EXD2: variants seen among roughly 807,000 people sequenced by gnomAD.
EXD2 encodes exonuclease 3'-5' domain-containing protein 2.
A neutral mutation model predicts 62.5 loss-of-function variants in EXD2; 40 were observed. That is an observed-to-expected ratio of 0.64 (90% CI 0.50 to 0.83). The LOEUF (loss-of-function observed/expected upper bound fraction) is 0.83. Among genes scored for constraint, EXD2 ranks in the 40% least tolerant of loss-of-function variants. The pLI, the probability that EXD2 is intolerant of heterozygous loss-of-function variation, is 0.00. For synonymous variants in EXD2, 239 were observed against 291.9 expected, an observed-to-expected ratio of 0.82 and a Z score of 1.85; for missense variants, 671 against 761.8, an observed-to-expected ratio of 0.88 and a Z score of 1.40.
In EXD2 at chr14:69,229,090, G is replaced by A. The variant is rs751962384; in HGVS notation, c.590+18G>A. ...CGGCAGAGGTGTGGTTTGTATGAAT[G>A]CTGGGATTCCTATAGCTGCGGGACA... On this transcript the variant is annotated intron_variant, in intron 4 of 9. Coordinates refer to ENST00000685843, the MANE Select transcript of EXD2 (RefSeq NM_001193360.2). 6 of 1,611,608 alleles carry A rather than the reference G, an allele frequency of 3.7e-6. No homozygotes were observed. The South Asian group carries it at 5.5e-5, about 15-fold the overall frequency.
chr14:69,231,497 A>G (rs2043578392), intron 5 of EXD2, among the ~76,000 whole-genome samples: 1 of 152,184 alleles, frequency 6.6e-6, no homozygotes, highest in Non-Finnish European at 1.5e-5. Flanking sequence ...TATATTATTT[A>G]TAGCTGAGTC....
At chr14:69,212,520 T>C (rs371295414) in intron 3 of EXD2, among the ~76,000 whole-genome samples, 1 of 148,584 alleles carries the variant, frequency 6.7e-6, no homozygotes, top group African/African-American at 2.5e-5. Context: ...TCTTTATTGT[T>C]TTTTTTTTTT....
At chr14:69,200,137 CTGT>C (rs2042344581) in intron 1 of EXD2, among the ~76,000 whole-genome samples, 1 of 152,150 alleles carries the variant, frequency 6.6e-6, no homozygotes, top group Admixed American at 6.5e-5. Context: ...TATGTGTCAT[CTGT>C]TGTTGACCGA....
chr14:69,236,387 C>T lies in EXD2; in HGVS notation c.1157-20C>T. The T allele has an allele frequency of 6.2e-7, 1 of 1,614,038 alleles. No homozygotes were observed. The highest frequency in any genetic ancestry group is 8.5e-7 in the Non-Finnish European group (1 of 1,180,000). On this transcript the variant is annotated intron_variant, in intron 7 of 9. Transcript: ENST00000685843. ...TGGGGGCAGGGGGAGCAGTCAAACA[C>T]TGATGTCTCTTCTCTTAAGAGCTGG...
At chr14:69,193,221 G>T (rs2042094032) in intron 1 of EXD2, among the ~76,000 whole-genome samples, 1 of 152,004 alleles carries the variant, frequency 6.6e-6, no homozygotes. Flanking sequence ...ACCACGCCTG[G>T]CTAATTTTTG....
intron 3 of EXD2, among the ~76,000 whole-genome samples, chr14:69,218,033 C>G (rs1036071470): frequency 6.6e-6 from 1 of 152,162 alleles, no homozygotes; most frequent in Non-Finnish European, 1.5e-5. Flanking sequence ...GATTTATAAT[C>G]CTTTGGGTAT....
intron 2 of EXD2, among the ~76,000 whole-genome samples, chr14:69,205,824 G>A (rs1478783360): frequency 1.3e-5 from 2 of 152,046 alleles, no homozygotes; most frequent in Non-Finnish European, 2.9e-5. Flanking sequence ...TTGGCTTAGG[G>A]TTCCCTTTTA....
intron 1 of EXD2, chr14:69,191,960 C>G (rs1264244890): frequency 6.6e-6 from 1 of 152,248 alleles, no homozygotes; most frequent in Non-Finnish European, 1.5e-5. Flanking sequence ...AAAAGGAGGC[C>G]CCGCCCGCGG....
Position 69,225,837 on chromosome 14 carries a change from A to G in EXD2, c.334-2979A>G, listed in dbSNP as rs146282677. Reference sequence around the variant, plus strand: ...TCCTAGAAACATTATTCTTCCAATTATATATTCAATATAAGTTATGTACCT... The same window carrying G: ...TCCTAGAAACATTATTCTTCCAATTGTATATTCAATATAAGTTATGTACCT... On this transcript the variant is annotated intron_variant, in intron 3 of 9. Transcript: ENST00000685843. Among the ~76,000 whole-genome samples the G allele has an allele frequency of 1.4e-3, 215 of 152,314 alleles. 1 individual carries two copies. The highest frequency in any genetic ancestry group is 5.1e-3 in the African/African-American group (210 of 41,578).
intron 3 of EXD2, among the ~76,000 whole-genome samples, chr14:69,220,251 C>CTCTTTTTT (rs2043123001): frequency 3.3e-5 from 2 of 60,604 alleles, no homozygotes; most frequent in African/African-American, 1.4e-4. Flanking sequence ...TTTTGTCTCT[C>CTCTTTTTT]TGTTTTTTTT....
chr14:69,210,956 G>C (rs1358478678), intron 3 of EXD2, among the ~76,000 whole-genome samples: 2 of 152,282 alleles, frequency 1.3e-5, no homozygotes, highest in African/African-American at 4.8e-5. Context: ...TCTTTTTGCT[G>C]GTGGAGGGTC....
chr14:69,214,644 G>A (rs1051581455), intron 3 of EXD2, among the ~76,000 whole-genome samples: 1 of 152,166 alleles, frequency 6.6e-6, no homozygotes, highest in Admixed American at 6.5e-5. Context: ...GACTCCAGGA[G>A]CTCCTGTTGT....
intron 1 of EXD2, among the ~76,000 whole-genome samples, chr14:69,193,933 A>G (rs1456787793): frequency 1.3e-5 from 2 of 152,190 alleles, no homozygotes; most frequent in African/African-American, 2.4e-5. Context: ...GCTTCCCACA[A>G]CAAAGAATTT....
chr14:69,224,953 T>TG (rs1414041727), intron 3 of EXD2, among the ~76,000 whole-genome samples: 1 of 152,112 alleles, frequency 6.6e-6, no homozygotes, highest in Admixed American at 6.5e-5. Context: ...CACTCCAGCC[T>TG]GGCAACAGAG....
chr14:69,211,810 C>A (rs2042814232), intron 3 of EXD2, among the ~76,000 whole-genome samples: 1 of 152,124 alleles, frequency 6.6e-6, no homozygotes, highest in Admixed American at 6.5e-5. Flanking sequence ...ATAACTTGAG[C>A]AACAGCAGGG....
chr14:69,195,853 C>G (rs781309805), intron 1 of EXD2, among the ~76,000 whole-genome samples: 4 of 152,154 alleles, frequency 2.6e-5, no homozygotes, highest in African/African-American at 9.7e-5. Context: ...GTACTTCATT[C>G]TTTTTATTAC....
rs186526221 is a variant in EXD2 at position 69,229,124 on chromosome 14, A to G, written c.590+52A>G. 4 of 1,601,294 alleles carry G rather than the reference A, an allele frequency of 2.5e-6. No individual in the cohort carries two copies. In the East Asian group the frequency reaches 6.7e-5, roughly 27 times the overall value. ...CCTATAGCTGCGGGACAAATATTTT[A>G]GCCAGATTTGTAGATGCCTGGGACT... On this transcript the variant is annotated intron_variant, in intron 4 of 9. Coordinates refer to ENST00000685843, the MANE Select transcript of EXD2 (RefSeq NM_001193360.2).
chr14:69,236,314 G>A lies in EXD2; in HGVS notation c.1157-93G>A, dbSNP rs372733061. 3.7e-5 allele frequency: 59 copies of A among 1,596,728 alleles called. 1 individual carries two copies. In the South Asian group the frequency reaches 5.9e-4, roughly 16 times the overall value. On this transcript the variant is annotated intron_variant, in intron 7 of 9. Transcript: ENST00000685843. The stretch of plus-strand genomic sequence containing the variant: ...ACCCAGAAATCATGTTCTCTGCCAG[G>A]CCATAGCAGAGAACAGTGAAGGTAG...
At chr14:69,200,740 A>G (rs1285239175) in intron 1 of EXD2, among the ~76,000 whole-genome samples, 2 of 150,382 alleles carry the variant, frequency 1.3e-5, no homozygotes, top group African/African-American at 4.9e-5. Context: ...GGTAAATGTT[A>G]TGTTATATAT....
Sources: gnomAD v4.1 joint callset for allele counts (sites outside exome capture counted in the v4.1 genomes callset) on GRCh38, gnomAD v4.1.1 for gene constraint, MANE v1.5 for transcripts, NCBI Gene and HGNC (gene_info 2026-07-23, HGNC 2026-07-21) for gene names.